Variants in PTPRD observed in about 807,000 individuals in gnomAD.
The protein encoded by PTPRD is protein tyrosine phosphatase receptor type D, also known as receptor-type tyrosine-protein phosphatase delta.
PTPRD carries 34 observed loss-of-function variants against 214.5 expected under a neutral mutation model. The ratio of observed to expected loss-of-function variants is 0.16; its 90% confidence interval spans 0.12 to 0.21. The LOEUF (loss-of-function observed/expected upper bound fraction) is 0.21, where lower values mean the gene tolerates loss of function less well. Ranked by LOEUF, PTPRD falls within the 10% of genes least tolerant of loss-of-function variation. The pLI is 1.00. For synonymous variants in PTPRD, 1,128 were observed against 845.7 expected, an observed-to-expected ratio of 1.33 and a Z score of -5.79; for missense variants, 2,545 against 2,398.7, an observed-to-expected ratio of 1.06 and a Z score of -1.27.
intron 11 of PTPRD, among the ~76,000 whole-genome samples, chr9:8,936,933 C>T (rs544389125): frequency 2.6e-5 from 4 of 151,950 alleles, no homozygotes; most frequent in Non-Finnish European, 5.9e-5. Context: ...CTTACTAATC[C>T]ATTCTTATCA....
chr9:9,138,961 C>A (rs12683183), intron 10 of PTPRD, among the ~76,000 whole-genome samples: 41,616 of 151,762 alleles, frequency 0.27, 5,896 homozygotes, highest in African/African-American at 0.36. Context: ...ATAATAGTTA[C>A]AGTAATCTTC....
chr9:8,814,189 C>T (rs929585333), intron 11 of PTPRD, among the ~76,000 whole-genome samples: 1 of 152,110 alleles, frequency 6.6e-6, no homozygotes, highest in Non-Finnish European at 1.5e-5. Context: ...GGGATGCCAT[C>T]CTGAAACTCA....
intron 2 of PTPRD, among the ~76,000 whole-genome samples, chr9:10,506,633 T>C (rs962836811): frequency 2.0e-5 from 3 of 152,024 alleles, no homozygotes; most frequent in Admixed American, 6.6e-5. Flanking sequence ...AATAAAAAAA[T>C]TATATTATTG....
intron 12 of PTPRD, among the ~76,000 whole-genome samples, chr9:8,663,507 T>C (rs1381085704): frequency 6.6e-6 from 1 of 152,132 alleles, no homozygotes; most frequent in Non-Finnish European, 1.5e-5. Context: ...TATTTATTTA[T>C]TGGGAGGCAG....
chr9:9,550,891 C>T (rs1423721873), intron 8 of PTPRD, among the ~76,000 whole-genome samples: 2 of 151,816 alleles, frequency 1.3e-5, no homozygotes, highest in Non-Finnish European at 2.9e-5. Flanking sequence ...ATCACAAGAA[C>T]ATATCACTAC....
At chr9:10,106,949 A>G (rs911356090) in intron 3 of PTPRD, among the ~76,000 whole-genome samples, 7 of 151,804 alleles carry the variant, frequency 4.6e-5, no homozygotes, top group African/African-American at 1.7e-4. Flanking sequence ...TTGGCAGAGA[A>G]GAGGAAAAGG....
chr9:9,532,399 C>T (rs1343461758), intron 8 of PTPRD, among the ~76,000 whole-genome samples: 2 of 152,152 alleles, frequency 1.3e-5, no homozygotes, highest in Non-Finnish European at 2.9e-5. Context: ...CAAACCAAGA[C>T]CCAAACTGGC....
At chr9:10,096,001 G>A (rs543127524) in intron 3 of PTPRD, among the ~76,000 whole-genome samples, 1 of 151,530 alleles carries the variant, frequency 6.6e-6, no homozygotes, top group Admixed American at 6.6e-5. Flanking sequence ...TGTGAATTCT[G>A]TATATTCCTT....
At chr9:8,765,735 C>A (rs752346621) in intron 11 of PTPRD, among the ~76,000 whole-genome samples, 4 of 152,184 alleles carry the variant, frequency 2.6e-5, no homozygotes, top group Non-Finnish European at 5.9e-5. Flanking sequence ...CAGTAGCTAA[C>A]TACTACAGTA....
At chr9:10,228,206 G>A (rs993328061) in intron 3 of PTPRD, among the ~76,000 whole-genome samples, 1 of 151,960 alleles carries the variant, frequency 6.6e-6, no homozygotes, top group Non-Finnish European at 1.5e-5. Flanking sequence ...AGAGATATGT[G>A]CCTCTATAGA....
chr9:8,468,831 T>A (rs529612963), intron 31 of PTPRD, among the ~76,000 whole-genome samples: 1 of 145,970 alleles, frequency 6.9e-6, no homozygotes, highest in African/African-American at 2.5e-5. Flanking sequence ...TCTGTAGGGA[T>A]CAAAAACTGG....
chr9:9,865,064 T>C (rs1262473971), intron 5 of PTPRD, among the ~76,000 whole-genome samples: 1 of 152,202 alleles, frequency 6.6e-6, no homozygotes, highest in Non-Finnish European at 1.5e-5. Context: ...TATTGTGTTC[T>C]AATTTTTCCT....
At chr9:9,902,156 T>A (rs1157410459) in intron 5 of PTPRD, among the ~76,000 whole-genome samples, 1 of 152,184 alleles carries the variant, frequency 6.6e-6, no homozygotes, top group Non-Finnish European at 1.5e-5. Context: ...TCAGCCTTAT[T>A]GTTGATTCTA....
chr9:10,045,972 CTTT>C (rs1431982938), intron 3 of PTPRD, among the ~76,000 whole-genome samples: 1 of 151,608 alleles, frequency 6.6e-6, no homozygotes, highest in Non-Finnish European at 1.5e-5. Context: ...ATCAATGGTC[CTTT>C]TTGTTTCTAA....
At chr9:9,270,750 T>G (rs916353221) in intron 9 of PTPRD, among the ~76,000 whole-genome samples, 3 of 151,418 alleles carry the variant, frequency 2.0e-5, no homozygotes, top group African/African-American at 7.3e-5. Context: ...AGAGAGCACT[T>G]TGACATGATG....
intron 3 of PTPRD, among the ~76,000 whole-genome samples, chr9:10,162,732 C>CATAT (rs920076439): frequency 7.3e-6 from 1 of 136,542 alleles, no homozygotes; most frequent in South Asian, 2.4e-4. Context: ...TATACATGTA[C>CATAT]ATATATATAT....
At chr9:10,436,241 T>C (rs1427941984) in intron 2 of PTPRD, among the ~76,000 whole-genome samples, 1 of 151,864 alleles carries the variant, frequency 6.6e-6, no homozygotes, top group Non-Finnish European at 1.5e-5. Flanking sequence ...TAGACATTGA[T>C]ATATGTGTAT....
At chr9:8,722,144 T>TGTGTGC (rs906971348) in intron 12 of PTPRD, among the ~76,000 whole-genome samples, 8 of 128,342 alleles carry the variant, frequency 6.2e-5, no homozygotes, top group African/African-American at 4.0e-4. Flanking sequence ...TGTGTGTGTG[T>TGTGTGC]GTGTGTGTGT....
chr9:8,780,033 C>T (rs1216583345), intron 11 of PTPRD, among the ~76,000 whole-genome samples: 1 of 149,186 alleles, frequency 6.7e-6, no homozygotes, highest in Non-Finnish European at 1.5e-5. Context: ...GTTAAAGTGT[C>T]AAACATTCAA....
Sources: gnomAD v4.1 joint callset for allele counts (sites outside exome capture counted in the v4.1 genomes callset) on GRCh38, gnomAD v4.1.1 for gene constraint, MANE v1.5 for transcripts, NCBI Gene and HGNC (gene_info 2026-07-23, HGNC 2026-07-21) for gene names.